NCKAP1L: variants seen among roughly 807,000 people sequenced by gnomAD.
The protein encoded by NCKAP1L is nck-associated protein 1-like.
NCKAP1L carries 53 observed loss-of-function variants against 139.2 expected under a neutral mutation model. The ratio of observed to expected loss-of-function variants is 0.38; its 90% confidence interval spans 0.31 to 0.48. The LOEUF is 0.48. Among genes scored for constraint, NCKAP1L ranks in the 20% least tolerant of loss-of-function variants. The probability of loss-of-function intolerance (pLI) is 0.98; values close to 1 mark genes in which losing one functional copy is unlikely to be tolerated. For synonymous variants in NCKAP1L, 468 were observed against 499.7 expected (o/e 0.94, Z 0.85); for missense variants, 1,151 against 1,381.9 (o/e 0.83, Z 2.65).
In NCKAP1L at chr12:54,528,373, C is replaced by T; in HGVS notation, c.2502C>T (p.Ile834=). Residue 834 remains isoleucine, a synonymous_variant, in exon 22 of 31, where the codon ATC becomes ATT. Coordinates refer to ENST00000293373, the MANE Select transcript of NCKAP1L (RefSeq NM_005337.5). ...QNFSAEEFSD[I]SEMRALAELL... The stretch of plus-strand genomic sequence containing the variant: ...TCAGTGCAGAGGAGTTCTCTGACAT[C>T]TCTGGTGAGCTCAGGGCCTGGTCTT... 2 of 1,613,508 alleles carry T rather than the reference C, an allele frequency of 1.2e-6. No homozygotes were observed. Among genetic ancestry groups the T allele is most frequent in the Non-Finnish European group, 1.7e-6 (2 of 1,179,796 alleles).
chr12:54,516,399 C>A (rs1246880720), intron 10 of NCKAP1L, 104 bp downstream of exon 10: 1 of 1,063,750 alleles, frequency 9.4e-7, no homozygotes, highest in Non-Finnish European at 1.4e-6. Flanking sequence ...GCTTTATTGC[C>A]TCAACCCAAG....
At chr12:54,516,094 A>G (rs1007305808) in intron 9 of NCKAP1L, 145 bp from the exon 10 acceptor site, 11 of 697,112 alleles carry the variant, frequency 1.6e-5, no homozygotes, top group East Asian at 5.3e-5. Flanking sequence ...CTAGGGTGAG[A>G]AGTAGGGTTT....
chr12:54,510,737 G>T (rs945285430), intron 7 of NCKAP1L, among the ~76,000 whole-genome samples: 1 of 151,654 alleles, frequency 6.6e-6, no homozygotes, highest in Non-Finnish European at 1.5e-5. Context: ...GGCCAGGCTG[G>T]TCTTGAACTC....
chr12:54,515,691 G>C (rs1956924693), intron 9 of NCKAP1L, among the ~76,000 whole-genome samples: 1 of 152,200 alleles, frequency 6.6e-6, no homozygotes, highest in South Asian at 2.1e-4. Context: ...TAGAATACGG[G>C]AGGCTTTGAA....
chr12:54,539,063 T>C, intron 30 of NCKAP1L, 90 bp downstream of exon 30: 1 of 1,122,944 alleles, frequency 8.9e-7, no homozygotes. Flanking sequence ...CTTGCCATTC[T>C]TGTCACCCAA....
In NCKAP1L at chr12:54,509,685, C is replaced by T. The variant is rs1201990177; in HGVS notation, c.523C>T (p.Arg175Cys). The T allele has an allele frequency of 3.7e-6, 6 of 1,614,014 alleles. No individual in the cohort carries two copies. Among genetic ancestry groups the T allele is most frequent in the South Asian group, 1.1e-5 (1 of 91,076 alleles). ...TTCTTCTAGTGACCCCAGTTTTGCCCGTCTGGGTCAGATGGTCTTGGAGTA... is the reference window on the plus strand; with the variant it reads ...TTCTTCTAGTGACCCCAGTTTTGCCTGTCTGGGTCAGATGGTCTTGGAGTA... ...LHGHGDPSFARLGQMVLEYDH... is the reference protein window; with the variant it reads ...LHGHGDPSFACLGQMVLEYDH... The change falls in exon 6 of 31, where the codon CGT becomes TGT. Residue 175 changes from arginine to cysteine, a missense_variant. Coordinates refer to ENST00000293373, the MANE Select transcript of NCKAP1L (RefSeq NM_005337.5).
chr12:54,502,938 T>C (rs1306461041), intron 3 of NCKAP1L, among the ~76,000 whole-genome samples: 6 of 150,512 alleles, frequency 4.0e-5, no homozygotes, highest in African/African-American at 1.5e-4. Context: ...GTCAAGGCTG[T>C]AGTTAGCCAT....
At chr12:54,512,764 A>ATGTG (rs55837974) in intron 9 of NCKAP1L, among the ~76,000 whole-genome samples, 5 of 150,056 alleles carry the variant, frequency 3.3e-5, no homozygotes, top group East Asian at 2.0e-4. Flanking sequence ...GAGTGTGTGT[A>ATGTG]TGTGTGTGTG....
chr12:54,541,686 G>C (rs1457272060), intron 30 of NCKAP1L, among the ~76,000 whole-genome samples: 2 of 152,212 alleles, frequency 1.3e-5, no homozygotes, highest in Admixed American at 6.5e-5. Context: ...CGTTAGAGTA[G>C]ATATGGTAGA....
intron 9 of NCKAP1L, 23 bp downstream of exon 9, chr12:54,512,128 T>C (rs372020795): frequency 6.6e-5 from 107 of 1,611,084 alleles, no homozygotes; most frequent in Non-Finnish European, 8.7e-5. Context: ...AGAGCCAAAC[T>C]GATCTTCCTT....
Position 54,536,988 on chromosome 12 carries a change from G to C in NCKAP1L, c.3118G>C (p.Val1040Leu). Residue 1040 changes from valine to leucine, a missense_variant, in exon 29 of 31, where the codon GTG becomes CTG. Val to Leu is a conservative substitution (Grantham distance 32). Transcript: ENST00000293373. The part of the protein sequence containing the change: ...IHCLTKAIIQ[V>L]SAALFTLYNK... ...TTGCTTGACCAAAGCCATCATCCAGGTGTCTGCTGCCCTCTTCACGCTCTA... is the reference window on the plus strand; with the variant it reads ...TTGCTTGACCAAAGCCATCATCCAGCTGTCTGCTGCCCTCTTCACGCTCTA... 2 of 1,613,766 alleles carry C rather than the reference G, an allele frequency of 1.2e-6. No individual in the cohort carries two copies. Among genetic ancestry groups the C allele is most frequent in the Non-Finnish European group, 1.7e-6 (2 of 1,179,814 alleles).
chr12:54,510,076 A>G lies in NCKAP1L; in HGVS notation c.735+91A>G, dbSNP rs111607791. The G allele has an allele frequency of 5.8e-5, 85 of 1,475,842 alleles. No individual in the cohort carries two copies. In the African/African-American group the frequency reaches 9.7e-4, roughly 17 times the overall value. 91.4% of individuals were successfully genotyped at this position (1,475,842 alleles called of 1,614,324 possible). On this transcript the variant is annotated intron_variant, in intron 7 of 30. Transcript: ENST00000293373. ...GGTGCTTCTTTCAGGAAATATCAGT[A>G]CTAAAGAATGCTTTAGTCTTCTTCT... is the stretch of plus-strand genomic sequence containing the variant.
chr12:54,500,452 T>A (rs1034818301), intron 2 of NCKAP1L, 81 bp from the exon 3 acceptor site: 1 of 981,670 alleles, frequency 1.0e-6, no homozygotes, highest in East Asian at 2.4e-5. Flanking sequence ...GTTTTAGGTA[T>A]AACCACTGTT....
At chr12:54,512,976 G>T (rs980695390) in intron 9 of NCKAP1L, among the ~76,000 whole-genome samples, 2 of 152,196 alleles carry the variant, frequency 1.3e-5, no homozygotes, top group African/African-American at 4.8e-5. Flanking sequence ...TTATAAAAAT[G>T]AAGATGTTGA....
At position 54,518,691 on chromosome 12, in the gene NCKAP1L, C is replaced by T. The variant is rs1190574853; in HGVS notation, c.1379C>T (p.Ser460Phe). Residue 460 changes from serine to phenylalanine, a missense_variant, in exon 14 of 31, where the codon TCC becomes TTC. Ser to Phe is a radical substitution (Grantham distance 155). Coordinates refer to ENST00000293373, the MANE Select transcript of NCKAP1L (RefSeq NM_005337.5). ...VCPEEESIIM[S>F]SFVSILSSLN... is the part of the protein sequence containing the mutation. ...CCAGAGGAGGAGTCCATCATCATGT[C>T]CTCATTCGTCAGTATCCTCTCCTCT... 2 of 1,614,086 alleles carry T rather than the reference C, an allele frequency of 1.2e-6. No homozygotes were observed. Among genetic ancestry groups the T allele is most frequent in the Admixed American group, 3.3e-5 (2 of 60,016 alleles).
chr12:54,518,154 C>G (rs1426218326), intron 13 of NCKAP1L, among the ~76,000 whole-genome samples: 1 of 152,042 alleles, frequency 6.6e-6, no homozygotes, highest in Non-Finnish European at 1.5e-5. Flanking sequence ...TCCTGGCTAA[C>G]ATGGTGAAAC....
At position 54,520,818 on chromosome 12, in the gene NCKAP1L, C is replaced by A. The variant is rs754738973; in HGVS notation, c.1750C>A (p.Pro584Thr). The change falls in exon 17 of 31, where the codon CCA (proline) becomes ACA (threonine). Residue 584 changes from proline (P) to threonine (T), a missense_variant. Pro to Thr is a conservative substitution (Grantham distance 38). Coordinates refer to ENST00000293373, the MANE Select transcript of NCKAP1L (RefSeq NM_005337.5). ...HFVHCTHEMC[P>T]EEYPHLKNHG... ...TGTCCACTGCACTCATGAGATGTGC[C>A]CAGAGGAGGTAGGTATCCTGATCTC... 6.2e-7 allele frequency: 1 copy of A among 1,614,000 alleles called. No individual in the cohort carries two copies. Among genetic ancestry groups the A allele is most frequent in the East Asian group, 2.2e-5 (1 of 44,864 alleles).
In NCKAP1L at chr12:54,516,245, C is replaced by G. The variant is rs1565676181; in HGVS notation, c.948C>G (p.Gly316=). ...EDLFSSLKGY[G]KRVADIKESK... is the part of the protein sequence containing the mutation. ...TGCTTGTGTCAATCCTCAGGTATGG[C>G]AAGAGAGTGGCAGACATAAAGGAGA... Residue 316 remains glycine, a synonymous_variant, in exon 10 of 31, where the codon GGC becomes GGG. Coordinates refer to ENST00000293373, the MANE Select transcript of NCKAP1L (RefSeq NM_005337.5). 2 of 1,613,870 alleles carry G rather than the reference C, an allele frequency of 1.2e-6. No homozygotes were observed. Among genetic ancestry groups the G allele is most frequent in the Non-Finnish European group, 1.7e-6 (2 of 1,179,926 alleles).
chr12:54,536,485 T>C lies in NCKAP1L; in HGVS notation c.3073+240T>C, dbSNP rs540025193. The C allele has an allele frequency of 1.2e-4, 47 of 387,460 alleles. No individual in the cohort carries two copies. The East Asian group carries it at 2.6e-3, about 22-fold the overall frequency. The allele number at this position is 387,460 out of a possible 1,614,324, so 24.0% of individuals were successfully genotyped here. A position where few individuals can be genotyped will look rare whatever the true frequency, so the allele number is the denominator to read the frequency against. ...TTCCAGACCAGCCTAGGCAACGTGGTGAAACCCTGTTTCTACAAAAATAAA... is the reference window on the plus strand; with the variant it reads ...TTCCAGACCAGCCTAGGCAACGTGGCGAAACCCTGTTTCTACAAAAATAAA... On this transcript the variant is annotated intron_variant, in intron 28 of 30. Coordinates refer to ENST00000293373, the MANE Select transcript of NCKAP1L (RefSeq NM_005337.5).
Sources: gnomAD v4.1 joint callset for allele counts (sites outside exome capture counted in the v4.1 genomes callset) on GRCh38, gnomAD v4.1.1 for gene constraint, MANE v1.5 for transcripts, NCBI Gene and HGNC (gene_info 2026-07-23, HGNC 2026-07-21) for gene names.